The following VWA2 variants were observed in gnomAD, a reference collection of about 807,000 sequenced individuals.
The protein encoded by VWA2 is von Willebrand factor A domain-containing protein 2.
In VWA2, 73 loss-of-function variants were observed where a neutral mutation model predicts 70.4. The ratio of observed to expected loss-of-function variants is 1.04; its 90% CI spans 0.86 to 1.26. VWA2 has a LOEUF of 1.26. Among genes scored for constraint, VWA2 ranks in the 50% most tolerant of loss-of-function variants. The pLI, the probability that VWA2 is intolerant of heterozygous loss-of-function variation, is 0.00. For missense variants in VWA2, 1,011 were observed against 998.5 expected, an observed-to-expected ratio of 1.01 and a Z score of -0.17; for synonymous variants, 407 against 423.3, an observed-to-expected ratio of 0.96 and a Z score of 0.47.
At chr10:114,268,093 A>G (rs1408749258) in intron 5 of VWA2, among the ~76,000 whole-genome samples, 1 of 152,180 alleles carries the variant, frequency 6.6e-6, no homozygotes, top group East Asian at 1.9e-4. Context: ...TTAACATGGA[A>G]GGAAACTGGG....
chr10:114,269,878 G>A (rs2037669450), intron 5 of VWA2, among the ~76,000 whole-genome samples: 1 of 152,206 alleles, frequency 6.6e-6, no homozygotes, highest in South Asian at 2.1e-4. Context: ...CTGGCCAGTG[G>A]GTAGAGGAGC....
intron 5 of VWA2, among the ~76,000 whole-genome samples, chr10:114,271,604 TAA>T (rs1589759307): frequency 3.1e-5 from 4 of 130,858 alleles, no homozygotes; most frequent in African/African-American, 1.0e-4. Context: ...GCATGAGAAG[TAA>T]AAACACACAC....
At chr10:114,249,240 T>C (rs2037143526) in intron 2 of VWA2, among the ~76,000 whole-genome samples, 1 of 152,090 alleles carries the variant, frequency 6.6e-6, no homozygotes, top group South Asian at 2.1e-4. Flanking sequence ...GTTCTCATTG[T>C]TCAGCTCCCA....
intron 13 of VWA2, 111 bp from the exon 14 acceptor site, chr10:114,291,107 C>T (rs769199355): frequency 5.1e-5 from 64 of 1,249,880 alleles, no homozygotes; most frequent in South Asian, 1.2e-4. Flanking sequence ...CTGCTGGGGG[C>T]GAGGTGGGTT....
At chr10:114,280,048 A>G (rs2037991324) in intron 8 of VWA2, among the ~76,000 whole-genome samples, 1 of 152,208 alleles carries the variant, frequency 6.6e-6, no homozygotes, top group Non-Finnish European at 1.5e-5. Flanking sequence ...TCTTAGCAGA[A>G]CCACTAGGGA....
intron 1 of VWA2, among the ~76,000 whole-genome samples, chr10:114,242,093 AT>A (rs1257845503): frequency 1.3e-5 from 2 of 151,888 alleles, no homozygotes; most frequent in African/African-American, 4.8e-5. Context: ...CACCTACCAC[AT>A]TAGCTGCTGA....
chr10:114,289,566 G>C, intron 12 of VWA2, 77 bp downstream of exon 12: 1 of 1,524,320 alleles, frequency 6.6e-7, no homozygotes, highest in Non-Finnish European at 9.0e-7. Context: ...ACATCATGAC[G>C]AGGATGGCAG....
In VWA2 at chr10:114,239,326, C is replaced by G. The variant is rs972151369; in HGVS notation, c.-254C>G. 1 of 152,290 alleles carries G rather than the reference C, an allele frequency of 6.6e-6. No individual in the cohort carries two copies. The highest frequency in any genetic ancestry group is 1.5e-5 in the Non-Finnish European group (1 of 68,078). The allele number at this position is 152,290 out of a possible 1,614,324, so 9.4% of individuals were successfully genotyped here. ...AGTGAAGTACTTTTTTATTTGCAGACCTGGGCCGATGCCGCTTTAAAAAAC... is the reference window on the plus strand; with the variant it reads ...AGTGAAGTACTTTTTTATTTGCAGAGCTGGGCCGATGCCGCTTTAAAAAAC... On this transcript the variant is annotated 5_prime_UTR_variant, in exon 1 of 14. Transcript: ENST00000392982.
intron 4 of VWA2, among the ~76,000 whole-genome samples, chr10:114,258,132 G>T (rs1388030269): frequency 2.0e-5 from 3 of 152,202 alleles, no homozygotes; most frequent in African/African-American, 7.2e-5. Context: ...CTGCAGAAGG[G>T]TTTGCATGAG....
intron 8 of VWA2, among the ~76,000 whole-genome samples, chr10:114,279,510 C>G (rs564481028): frequency 1.3e-5 from 2 of 152,318 alleles, no homozygotes; most frequent in South Asian, 2.1e-4. Flanking sequence ...CACAGCACAG[C>G]ACACAGCAGT....
At chr10:114,258,478 A>G (rs190789897) in intron 4 of VWA2, among the ~76,000 whole-genome samples, 15 of 152,348 alleles carry the variant, frequency 9.8e-5, no homozygotes, top group Admixed American at 4.6e-4. Context: ...CTGAGCGTAC[A>G]GTAAACTGAA....
chr10:114,287,103 C>T (rs2038994194), intron 11 of VWA2, among the ~76,000 whole-genome samples: 1 of 152,270 alleles, frequency 6.6e-6, no homozygotes, highest in African/African-American at 2.4e-5. Flanking sequence ...TTTTTATGAC[C>T]CCTATTGGAA....
intron 1 of VWA2, among the ~76,000 whole-genome samples, chr10:114,244,825 C>T (rs369610177): frequency 6.6e-6 from 1 of 152,252 alleles, no homozygotes; most frequent in East Asian, 1.9e-4. Flanking sequence ...ATGCAGTGAA[C>T]ACAGTGAGTG....
At position 114,289,213 on chromosome 10, in the gene VWA2, C is replaced by T. The variant is rs200257950; in HGVS notation, c.1846C>T (p.His616Tyr). Residue 616 changes from histidine (H) to tyrosine (Y), a missense_variant, in exon 12 of 14, where the codon CAC becomes TAC. Physicochemically the swap from His to Tyr is moderately conservative, Grantham distance 83. Transcript: ENST00000392982. ...GVGSAGTALL[H>Y]IYDKVMTVQR... Reference sequence around the variant, plus strand: ...GGGCTCAGCCGGCACCGCCCTGCTGCACATCTATGACAAAGTGATGACCGT... The same window carrying T: ...GGGCTCAGCCGGCACCGCCCTGCTGTACATCTATGACAAAGTGATGACCGT... 8.1e-6 allele frequency: 13 copies of T among 1,613,814 alleles called. No homozygotes were observed. In the East Asian group the frequency reaches 2.9e-4, roughly 36 times the overall value.
intron 6 of VWA2, among the ~76,000 whole-genome samples, chr10:114,275,316 C>T (rs747684848): frequency 1.3e-5 from 2 of 152,222 alleles, no homozygotes; most frequent in African/African-American, 2.4e-5. Flanking sequence ...CACAGCCTGC[C>T]TTAGCCTTCA....
intron 3 of VWA2, 84 bp downstream of exon 3, chr10:114,253,809 G>A: frequency 2.3e-6 from 3 of 1,327,560 alleles, no homozygotes; most frequent in East Asian, 2.4e-5. Context: ...TTCTTCCAGA[G>A]AGTTTCTGCC....
At chr10:114,240,329 A>G (rs903048582) in intron 1 of VWA2, among the ~76,000 whole-genome samples, 1 of 152,154 alleles carries the variant, frequency 6.6e-6, no homozygotes, top group Non-Finnish European at 1.5e-5. Flanking sequence ...GGGACGGTGA[A>G]TGGGAGAGTC....
In VWA2 at chr10:114,282,546, C is replaced by T. The variant is rs2038291404; in HGVS notation, c.864C>T (p.Ala288=). Residue 288 remains alanine (A), a synonymous_variant, in exon 9 of 14, where the codon GCC becomes GCT. Transcript: ENST00000392982. The part of the protein sequence containing the change: ...SWKRVFLTHP[A]TCYRTTCPGP... Reference sequence around the variant, plus strand: ...AGAGAGTGTTCCTAACCCACCCTGCCACCTGCTACAGGACCACCTGCCCAG... The same window carrying T: ...AGAGAGTGTTCCTAACCCACCCTGCTACCTGCTACAGGACCACCTGCCCAG... 6.2e-7 allele frequency: 1 copy of T among 1,614,116 alleles called. No individual in the cohort carries two copies. The highest frequency in any genetic ancestry group is 8.5e-7 in the Non-Finnish European group (1 of 1,179,972).
intron 1 of VWA2, among the ~76,000 whole-genome samples, chr10:114,240,145 C>A (rs367858030): frequency 6.6e-6 from 1 of 152,216 alleles, no homozygotes; most frequent in South Asian, 2.1e-4. Context: ...CCGGCTGCCC[C>A]GAGAGTCCTC....
Sources: gnomAD v4.1 joint callset for allele counts (sites outside exome capture counted in the v4.1 genomes callset) on GRCh38, gnomAD v4.1.1 for gene constraint, MANE v1.5 for transcripts, NCBI Gene and HGNC (gene_info 2026-07-23, HGNC 2026-07-21) for gene names.